Variants in GLIPR1L2 observed in about 807,000 individuals in gnomAD.
GLIPR1L2 encodes GLIPR1 like 2.
A neutral mutation model predicts 28.4 loss-of-function variants in GLIPR1L2; 21 were observed. That is an observed-to-expected ratio of 0.74 (90% CI 0.52 to 1.06). The LOEUF (loss-of-function observed/expected upper bound fraction) is 1.06, where lower values mean the gene tolerates loss of function less well. Ranked by LOEUF, GLIPR1L2 falls within the 50% of genes least tolerant of loss-of-function variation. GLIPR1L2 has a pLI of 0.00. For missense variants in GLIPR1L2, 476 were observed against 416.9 expected, an observed-to-expected ratio of 1.14 and a Z score of -1.23; for synonymous variants, 145 against 139.3, an observed-to-expected ratio of 1.04 and a Z score of -0.29.
chr12:75,393,580 C>A (rs1024315623), intron 1 of GLIPR1L2, among the ~76,000 whole-genome samples: 3 of 152,018 alleles, frequency 2.0e-5, no homozygotes, highest in African/African-American at 7.2e-5. Context: ...AATTACCTGT[C>A]TTTTTACAGC....
At chr12:75,396,993 T>C (rs2045688148) in intron 1 of GLIPR1L2, among the ~76,000 whole-genome samples, 1 of 152,240 alleles carries the variant, frequency 6.6e-6, no homozygotes. Context: ...ATGTCCATTG[T>C]TAAGACTAAA....
At chr12:75,405,473 A>G (rs762848202) in intron 1 of GLIPR1L2, among the ~76,000 whole-genome samples, 3 of 152,172 alleles carry the variant, frequency 2.0e-5, no homozygotes, top group Non-Finnish European at 4.4e-5. Flanking sequence ...AGCCCTTTGT[A>G]TTTATTGGGT....
Position 75,431,253 on chromosome 12 carries a change from A to T in GLIPR1L2, c.*92A>T. On this transcript the variant is annotated 3_prime_UTR_variant, in exon 6 of 6. Transcript: ENST00000550916. Reference sequence around the variant, plus strand: ...GAAAAAAAAAAAAAGTAAAACACTGAGTTTTAACAAGAAAGAAAATATGCA... The same window carrying T: ...GAAAAAAAAAAAAAGTAAAACACTGTGTTTTAACAAGAAAGAAAATATGCA... 1 of 591,108 alleles carries T rather than the reference A, an allele frequency of 1.7e-6. No homozygotes were observed. The highest frequency in any genetic ancestry group is 3.0e-6 in the Non-Finnish European group (1 of 335,528). The allele number at this position is 591,108 out of a possible 1,614,324, so 36.6% of individuals were successfully genotyped here.
At chr12:75,429,044 A>G (rs2046063803) in intron 4 of GLIPR1L2, among the ~76,000 whole-genome samples, 1 of 152,210 alleles carries the variant, frequency 6.6e-6, no homozygotes, top group African/African-American at 2.4e-5. Flanking sequence ...AGTGGGGGCC[A>G]CCACACAGAG....
intron 3 of GLIPR1L2, among the ~76,000 whole-genome samples, chr12:75,414,992 G>A (rs764032332): frequency 1.3e-5 from 2 of 152,020 alleles, no homozygotes; most frequent in South Asian, 2.1e-4. Context: ...AGAATGACTG[G>A]TCTAGAAGAC....
At chr12:75,397,160 C>T (rs2045689851) in intron 1 of GLIPR1L2, among the ~76,000 whole-genome samples, 1 of 152,180 alleles carries the variant, frequency 6.6e-6, no homozygotes, top group Admixed American at 6.5e-5. Context: ...TGTTTTCCTT[C>T]AGAGTCATTG....
At chr12:75,414,227 T>C (rs2045902193) in intron 3 of GLIPR1L2, among the ~76,000 whole-genome samples, 1 of 152,070 alleles carries the variant, frequency 6.6e-6, no homozygotes, top group African/African-American at 2.4e-5. Flanking sequence ...CTATACCATA[T>C]ACCTGGGTGC....
intron 4 of GLIPR1L2, 53 bp downstream of exon 4, chr12:75,423,042 A>C: frequency 6.5e-7 from 1 of 1,529,672 alleles, no homozygotes. Flanking sequence ...TGGACAAGAA[A>C]AATAAGCGAT....
chr12:75,422,805 C>CT, intron 3 of GLIPR1L2, 99 bp from the exon 4 acceptor site: 1 of 965,312 alleles, frequency 1.0e-6, no homozygotes, highest in East Asian at 2.8e-5. Flanking sequence ...CTTAACCCGC[C>CT]TTTTTAACCT....
Position 75,398,328 on chromosome 12 carries a change from C to CAAAAAAAAAA in GLIPR1L2, c.234+6992_234+7001dup, listed in dbSNP as rs71078729. ...TGGGCGATAGAATGAGACTCCATCT[C>CAAAAAAAAAA]AAAAAAAAAAAAAAAAAAAAAAACT... On this transcript the variant is annotated intron_variant, in intron 1 of 5. Coordinates refer to ENST00000550916, the MANE Select transcript of GLIPR1L2 (RefSeq NM_001270396.2). Among the ~76,000 whole-genome samples, 9 of 87,906 alleles carry CAAAAAAAAAA rather than the reference C, an allele frequency of 1.0e-4. 1 individual carries two copies. Among genetic ancestry groups the CAAAAAAAAAA allele is most frequent in the African/African-American group, 1.9e-4 (4 of 20,784 alleles). 57.7% of individuals were successfully genotyped at this position (87,906 alleles called of 152,430 possible). A position where few individuals can be genotyped will look rare whatever the true frequency, so the allele number is the denominator to read the frequency against.
intron 1 of GLIPR1L2, 71 bp downstream of exon 1, chr12:75,391,421 T>C: frequency 6.2e-7 from 1 of 1,601,640 alleles, no homozygotes; most frequent in Non-Finnish European, 8.5e-7. Flanking sequence ...TCTCGGGTAG[T>C]TGGGGCCACT....
At chr12:75,428,973 G>A (rs1389123395) in intron 4 of GLIPR1L2, among the ~76,000 whole-genome samples, 1 of 152,218 alleles carries the variant, frequency 6.6e-6, no homozygotes, top group Non-Finnish European at 1.5e-5. Context: ...GCACAAGTTT[G>A]CTGCAGGGGT....
At chr12:75,406,015 TTAAAG>T (rs796976457) in intron 1 of GLIPR1L2, among the ~76,000 whole-genome samples, 35 of 152,084 alleles carry the variant, frequency 2.3e-4, no homozygotes, top group African/African-American at 6.7e-4. Flanking sequence ...TTTTTTGCTT[TTAAAG>T]TAATCGACTT....
chr12:75,423,692 T>C (rs1345957362), intron 4 of GLIPR1L2: 1 of 159,432 alleles, frequency 6.3e-6, no homozygotes, highest in Non-Finnish European at 1.3e-5. Context: ...CTACATTAGA[T>C]ATTTCTCCTA....
At chr12:75,396,612 G>A (rs1023641962) in intron 1 of GLIPR1L2, among the ~76,000 whole-genome samples, 2 of 152,068 alleles carry the variant, frequency 1.3e-5, no homozygotes, top group African/African-American at 2.4e-5. Flanking sequence ...TTGCTTTTGA[G>A]GTTTCTTTTG....
chr12:75,431,013 C>T lies in GLIPR1L2; in HGVS notation c.887C>T (p.Ala296Val), dbSNP rs1289391267. 2 of 1,531,710 alleles carry T rather than the reference C, an allele frequency of 1.3e-6. No homozygotes were observed. Among genetic ancestry groups the T allele is most frequent in the African/African-American group, 2.8e-5 (2 of 72,184 alleles). The allele number at this position is 1,531,710 out of a possible 1,614,324, so 94.9% of individuals were successfully genotyped here. A position where few individuals can be genotyped will look rare whatever the true frequency, so the allele number is the denominator to read the frequency against. Residue 296 changes from alanine (A) to valine (V), a missense_variant, in exon 6 of 6, where the codon GCA becomes GTA. Ala to Val is a moderately conservative substitution (Grantham distance 64). Transcript: ENST00000550916. The stretch of plus-strand genomic sequence containing the variant: ...ATATTTACCCCTGAGGAATCTGAAG[C>T]AGGGAATGAAGAGGAGGAAAAAGAG... Reference protein sequence around the residue: ...QMIFTPEESEAGNEEEEKEEE... With the variant: ...QMIFTPEESEVGNEEEEKEEE...
At chr12:75,426,586 C>T (rs2046036567) in intron 4 of GLIPR1L2, among the ~76,000 whole-genome samples, 2 of 152,168 alleles carry the variant, frequency 1.3e-5, no homozygotes, top group African/African-American at 4.8e-5. Context: ...TGAAGCTATA[C>T]AGAGAAAATA....
At chr12:75,420,591 C>T (rs1442462545) in intron 3 of GLIPR1L2, among the ~76,000 whole-genome samples, 1 of 145,734 alleles carries the variant, frequency 6.9e-6, no homozygotes, top group Non-Finnish European at 1.5e-5. Flanking sequence ...TGGTCTGCTT[C>T]TTAGAAAATG....
Position 75,431,037 on chromosome 12 carries a change from A to T in GLIPR1L2, c.911A>T (p.Glu304Val), listed in dbSNP as rs2046087029. ...SEAGNEEEEK[E>V]EEKKEKEEME... ...GCAGGGAATGAAGAGGAGGAAAAAG[A>T]GGAAGAGAAGAAAGAGAAAGAGGAA... Residue 304 changes from glutamate to valine, a missense_variant, in exon 6 of 6, where the codon GAG becomes GTG. By Grantham distance (121) the Glu-to-Val change is moderately radical. Coordinates refer to ENST00000550916, the MANE Select transcript of GLIPR1L2 (RefSeq NM_001270396.2). 9 of 1,508,948 alleles carry T rather than the reference A, an allele frequency of 6.0e-6. No homozygotes were observed. The highest frequency in any genetic ancestry group is 2.0e-5 in the Admixed American group (1 of 50,950). The allele number at this position is 1,508,948 out of a possible 1,614,324, so 93.5% of individuals were successfully genotyped here.
Sources: gnomAD v4.1 joint callset for allele counts (sites outside exome capture counted in the v4.1 genomes callset) on GRCh38, gnomAD v4.1.1 for gene constraint, MANE v1.5 for transcripts, NCBI Gene and HGNC (gene_info 2026-07-23, HGNC 2026-07-21) for gene names.